Variants in CORIN observed in about 807,000 individuals in gnomAD.
The protein encoded by CORIN is corin, serine peptidase, also known as atrial natriuretic peptide-converting enzyme.
A neutral mutation model predicts 125.3 loss-of-function variants in CORIN; 117 were observed. The observed-to-expected ratio is 0.93, with a 90% CI of 0.80 to 1.09. CORIN has a LOEUF of 1.09. CORIN is among the 50% of genes least tolerant of loss of function. CORIN has a pLI of 0.00. For synonymous variants in CORIN, 450 were observed against 466.4 expected, an observed-to-expected ratio of 0.96 and a Z score of 0.45; for missense variants, 1,253 against 1,306.7, an observed-to-expected ratio of 0.96 and a Z score of 0.63.
intron 5 of CORIN, among the ~76,000 whole-genome samples, chr4:47,724,546 AT>A (rs1414859412): frequency 2.6e-5 from 4 of 152,146 alleles, no homozygotes; most frequent in Non-Finnish European, 5.9e-5. Context: ...AATCTTTGGA[AT>A]TTTTTTGGAA....
chr4:47,794,513 C>T (rs1192366004), intron 2 of CORIN, among the ~76,000 whole-genome samples: 1 of 152,020 alleles, frequency 6.6e-6, no homozygotes, highest in African/African-American at 2.4e-5. Context: ...TAATTTTAAG[C>T]TAGTTTTCAT....
intron 19 of CORIN, among the ~76,000 whole-genome samples, chr4:47,611,278 C>T (rs767574747): frequency 5.3e-5 from 8 of 151,830 alleles, no homozygotes; most frequent in Non-Finnish European, 1.0e-4. Context: ...CCTTAAACAG[C>T]GGTTTGTAGT....
At chr4:47,755,150 T>C (rs772351559) in intron 4 of CORIN, among the ~76,000 whole-genome samples, 2 of 152,182 alleles carry the variant, frequency 1.3e-5, no homozygotes, top group Non-Finnish European at 1.5e-5. Flanking sequence ...CCTCCAGTAA[T>C]AGCAAACTCA....
chr4:47,722,478 T>C (rs1009077144), intron 5 of CORIN, among the ~76,000 whole-genome samples: 18 of 152,220 alleles, frequency 1.2e-4, no homozygotes, highest in African/African-American at 4.1e-4. Context: ...CTCCTGGGTA[T>C]AAAACATCTG....
intron 3 of CORIN, among the ~76,000 whole-genome samples, chr4:47,771,237 C>A (rs910358228): frequency 6.6e-6 from 1 of 152,032 alleles, no homozygotes; most frequent in Non-Finnish European, 1.5e-5. Flanking sequence ...CAGGTCAGGA[C>A]TACATCAGCA....
chr4:47,704,333 C>T (rs534252129), intron 5 of CORIN, among the ~76,000 whole-genome samples: 33 of 152,238 alleles, frequency 2.2e-4, no homozygotes, highest in African/African-American at 7.7e-4. Flanking sequence ...TACACAACAT[C>T]CAAGCACTCA....
At chr4:47,655,944 T>C (rs1723955145) in intron 12 of CORIN, among the ~76,000 whole-genome samples, 1 of 150,712 alleles carries the variant, frequency 6.6e-6, no homozygotes, top group African/African-American at 2.4e-5. Flanking sequence ...CTCAAACTAC[T>C]CCAAACAATA....
intron 1 of CORIN, among the ~76,000 whole-genome samples, chr4:47,826,399 G>A (rs1004473396): frequency 2.6e-5 from 4 of 152,234 alleles, no homozygotes; most frequent in African/African-American, 9.7e-5. Context: ...CAGTTCTGGA[G>A]GTTGGAAGTC....
At chr4:47,604,472 A>T (rs777471207) in intron 19 of CORIN, among the ~76,000 whole-genome samples, 2 of 152,140 alleles carry the variant, frequency 1.3e-5, no homozygotes, top group South Asian at 2.1e-4. Context: ...TTAATGTTCA[A>T]TGGTCTATTT....
At chr4:47,751,309 A>G (rs1728888384) in intron 4 of CORIN, among the ~76,000 whole-genome samples, 1 of 152,174 alleles carries the variant, frequency 6.6e-6, no homozygotes, top group East Asian at 1.9e-4. Context: ...TTGACTGCAT[A>G]TACATTATGT....
chr4:47,707,282 AG>A, intron 5 of CORIN, among the ~76,000 whole-genome samples: 1 of 152,238 alleles, frequency 6.6e-6, no homozygotes, highest in East Asian at 1.9e-4. Flanking sequence ...GAGAAAAAAA[AG>A]AAAACTACCA....
chr4:47,697,549 A>C (rs1726079912), intron 5 of CORIN, among the ~76,000 whole-genome samples: 1 of 152,006 alleles, frequency 6.6e-6, no homozygotes, highest in Non-Finnish European at 1.5e-5. Context: ...CCCCATCTCT[A>C]CTAAAAATAC....
At chr4:47,760,597 C>T (rs1182297436) in intron 4 of CORIN, among the ~76,000 whole-genome samples, 3 of 152,112 alleles carry the variant, frequency 2.0e-5, no homozygotes, top group African/African-American at 7.2e-5. Flanking sequence ...TTGTTAACGG[C>T]CTTAGGATTT....
intron 6 of CORIN, among the ~76,000 whole-genome samples, chr4:47,684,625 G>T (rs141646925): frequency 2.0e-5 from 3 of 152,168 alleles, no homozygotes; most frequent in Admixed American, 2.0e-4. Context: ...TTTGAAAGAA[G>T]AGTTTAATGA....
At chr4:47,607,412 A>T (rs1033095149) in intron 19 of CORIN, among the ~76,000 whole-genome samples, 2 of 152,054 alleles carry the variant, frequency 1.3e-5, no homozygotes, top group African/African-American at 2.4e-5. Flanking sequence ...CATCTCAAAA[A>T]AAAAAAATTC....
At chr4:47,832,001 GATTAA>G (rs1409048842) in intron 1 of CORIN, among the ~76,000 whole-genome samples, 5 of 152,300 alleles carry the variant, frequency 3.3e-5, no homozygotes, top group African/African-American at 4.8e-5. Context: ...TTTTAAGCCT[GATTAA>G]ATTAAACACT....
At chr4:47,746,739 G>A (rs1728684882) in intron 4 of CORIN, among the ~76,000 whole-genome samples, 1 of 151,998 alleles carries the variant, frequency 6.6e-6, no homozygotes, top group Non-Finnish European at 1.5e-5. Flanking sequence ...TCAACATGTT[G>A]GCCAGGCTGG....
At position 47,675,825 on chromosome 4, in the gene CORIN, G is replaced by A. The variant is rs572947093; in HGVS notation, c.1250-1325C>T. ...TGGTCTCAAGTAATTCTCCTGCCTC[G>A]GCCACCCAAAGTGCTGGGATTACAG... On this transcript the variant is annotated intron_variant, in intron 9 of 21. Transcript: ENST00000273857. Among the ~76,000 whole-genome samples, 7 of 152,106 alleles carry A rather than the reference G, an allele frequency of 4.6e-5. 1 individual carries two copies. Among genetic ancestry groups the A allele is most frequent in the African/African-American group, 1.7e-4 (7 of 41,484 alleles).
intron 2 of CORIN, among the ~76,000 whole-genome samples, chr4:47,790,568 A>C (rs1049537708): frequency 7.9e-5 from 12 of 152,148 alleles, no homozygotes; most frequent in African/African-American, 2.9e-4. Flanking sequence ...AGGTGAACTA[A>C]GGAGAAAGTC....
Sources: allele counts gnomAD v4.1 joint callset (sites outside exome capture counted in the v4.1 genomes callset), GRCh38; gene constraint gnomAD v4.1.1; transcripts MANE v1.5; gene names NCBI Gene and HGNC (gene_info 2026-07-23, HGNC 2026-07-21).